GCLC: variants seen among roughly 807,000 people sequenced by gnomAD.
GCLC encodes glutamate--cysteine ligase catalytic subunit.
A neutral mutation model predicts 81.5 loss-of-function variants in GCLC; 30 were observed. The ratio of observed to expected loss-of-function variants is 0.37; its 90% CI spans 0.28 to 0.50. GCLC has a LOEUF of 0.50. GCLC is among the 20% of genes least tolerant of loss of function. The probability of loss-of-function intolerance (pLI) is 0.96; values close to 1 mark genes in which losing one functional copy is unlikely to be tolerated. For synonymous variants in GCLC, 262 were observed against 273.3 expected, an observed-to-expected ratio of 0.96 and a Z score of 0.41; for missense variants, 556 against 777.4, an observed-to-expected ratio of 0.72 and a Z score of 3.39.
chr6:53,540,380 G>C (rs531210385), intron 1 of GCLC, among the ~76,000 whole-genome samples: 1 of 150,554 alleles, frequency 6.6e-6, no homozygotes, highest in Non-Finnish European at 1.5e-5. Flanking sequence ...TGACCCTTGA[G>C]GACATTATGT....
chr6:53,535,624 G>T (rs9463945), intron 1 of GCLC, among the ~76,000 whole-genome samples: 1 of 152,092 alleles, frequency 6.6e-6, no homozygotes, highest in African/African-American at 2.4e-5. Context: ...TATAGAGAAC[G>T]CTCAAAACTC....
At chr6:53,505,950 T>C in intron 10 of GCLC, 55 bp from the exon 11 acceptor site, 1 of 943,862 alleles carries the variant, frequency 1.1e-6, no homozygotes, top group Non-Finnish European at 1.8e-6. Flanking sequence ...AGGAAAATAT[T>C]AAGATGATCT....
At chr6:53,540,878 C>T (rs1165539569) in intron 1 of GCLC, among the ~76,000 whole-genome samples, 1 of 152,098 alleles carries the variant, frequency 6.6e-6, no homozygotes. Context: ...CTCCCATCCT[C>T]ACCCCACAAA....
At position 53,544,653 on chromosome 6, in the gene GCLC, C is replaced by CCATCCT; in HGVS notation, c.-9_-8insAGGATG. The CCATCCT allele has an allele frequency of 6.4e-7, 1 of 1,550,856 alleles. No homozygotes were observed. Among genetic ancestry groups the CCATCCT allele is most frequent in the Admixed American group, 1.8e-5 (1 of 54,496 alleles). On this transcript the variant is annotated 5_prime_UTR_variant, in exon 1 of 16. The change creates a new upstream start codon in the 5' untranslated region. Transcript: ENST00000650454. ...CTGGGACAGCAGCCCCATGGCCGCC[C>CCATCCT]CCTCCTCCTCCTCCTCCTCCTCCGG...
intron 3 of GCLC, among the ~76,000 whole-genome samples, chr6:53,517,480 T>C (rs916919404): frequency 5.9e-5 from 9 of 152,034 alleles, no homozygotes; most frequent in African/African-American, 1.5e-4. Flanking sequence ...TTGTAAACAA[T>C]TGAAGGTAGT....
intron 1 of GCLC, 75 bp downstream of exon 1, chr6:53,544,421 G>A (rs1763410650): frequency 4.0e-6 from 6 of 1,491,520 alleles, no homozygotes; most frequent in Non-Finnish European, 5.5e-6. Context: ...AGGGCCGGGG[G>A]CGTAGGGCAA....
At chr6:53,512,046 T>C (rs921597639) in intron 6 of GCLC, among the ~76,000 whole-genome samples, 42 of 151,758 alleles carry the variant, frequency 2.8e-4, no homozygotes, top group African/African-American at 9.9e-4. Context: ...CCTCCCAGGT[T>C]CAAGCGTTTC....
At chr6:53,538,886 A>G (rs1763304584) in intron 1 of GCLC, among the ~76,000 whole-genome samples, 1 of 152,214 alleles carries the variant, frequency 6.6e-6, no homozygotes, top group Admixed American at 6.5e-5. Context: ...TCTACAACCT[A>G]TACAGTTTGA....
intron 1 of GCLC, among the ~76,000 whole-genome samples, chr6:53,536,817 A>G (rs1763265260): frequency 6.6e-6 from 1 of 152,242 alleles, no homozygotes; most frequent in Non-Finnish European, 1.5e-5. Context: ...TAGGGTCTTA[A>G]CATGGAGGAA....
At chr6:53,540,705 A>ACACACACACAC (rs58342057) in intron 1 of GCLC, among the ~76,000 whole-genome samples, 6 of 150,802 alleles carry the variant, frequency 4.0e-5, no homozygotes, top group African/African-American at 1.5e-4. Flanking sequence ...ACACACACAC[A>ACACACACACAC]AAAGTCCTGG....
Position 53,500,147 on chromosome 6 carries a change from G to C in GCLC, c.1600C>G (p.Leu534Val). ...AGGTAAGAGTTCAGAATTGGGATCA[G>C]TCCAGGAAACACACCTTCCTACAAG... ...INGKEGVFPG[L>V]IPILNSYLEN... The change falls in exon 15 of 16, where the codon CTG becomes GTG. Residue 534 changes from leucine to valine, a missense_variant. This residue lies in a region of GCLC where 313 missense variants were observed against 437.3 expected (regional missense o/e 0.72). Coordinates refer to ENST00000650454, the MANE Select transcript of GCLC (RefSeq NM_001498.4). The C allele has an allele frequency of 6.2e-7, 1 of 1,613,814 alleles. No individual in the cohort carries two copies. Among genetic ancestry groups the C allele is most frequent in the Non-Finnish European group, 8.5e-7 (1 of 1,179,674 alleles).
At chr6:53,534,125 CG>C (rs1357239252) in intron 1 of GCLC, among the ~76,000 whole-genome samples, 2 of 152,296 alleles carry the variant, frequency 1.3e-5, no homozygotes, top group Admixed American at 1.3e-4. Flanking sequence ...TCACACAACC[CG>C]GGGTGACCCC....
Position 53,544,835 on chromosome 6 carries a change from G to A in GCLC, c.-190C>T, listed in dbSNP as rs902375997. On this transcript the variant is annotated 5_prime_UTR_variant, in exon 1 of 16. Coordinates refer to ENST00000650454, the MANE Select transcript of GCLC (RefSeq NM_001498.4). ...CCCGGCGGCGGCCCCTGGCGCCCAG[G>A]TGACAGACCCTGGGTCCGACGCACC... The A allele has an allele frequency of 5.8e-5, 28 of 482,330 alleles. No individual in the cohort carries two copies. Among genetic ancestry groups the A allele is most frequent in the African/African-American group, 5.4e-4 (26 of 48,354 alleles). The allele number at this position is 482,330 out of a possible 1,614,324, so 29.9% of individuals were successfully genotyped here.
intron 6 of GCLC, 22 bp downstream of exon 6, chr6:53,514,182 C>G (rs989499982): frequency 6.2e-7 from 1 of 1,611,846 alleles, no homozygotes. Context: ...CACTTTGCCT[C>G]TCTGTATATT....
intron 12 of GCLC, among the ~76,000 whole-genome samples, chr6:53,502,095 G>T (rs56033411): frequency 1.3e-5 from 2 of 152,066 alleles, no homozygotes; most frequent in African/African-American, 4.8e-5. Context: ...TAGCGGGAAC[G>T]CATGCTGTAT....
At position 53,497,551 on chromosome 6, in the gene GCLC, T is replaced by G. The variant is rs1266271752; in HGVS notation, c.*1205A>C. 1 of 152,548 alleles carries G rather than the reference T, an allele frequency of 6.6e-6. No homozygotes were observed. 9.4% of individuals were successfully genotyped at this position (152,548 alleles called of 1,614,324 possible). A position where few individuals can be genotyped will look rare whatever the true frequency, so the allele number is the denominator to read the frequency against. ...CTGAAGCAGCTTTATTGCAATCTCT[T>G]CAAGTTAGCATATTACAGTTTAAAT... On this transcript the variant is annotated 3_prime_UTR_variant, in exon 16 of 16. Coordinates refer to ENST00000650454, the MANE Select transcript of GCLC (RefSeq NM_001498.4).
At chr6:53,521,403 C>T (rs1762993002) in intron 2 of GCLC, among the ~76,000 whole-genome samples, 1 of 152,070 alleles carries the variant, frequency 6.6e-6, no homozygotes, top group African/African-American at 2.4e-5. Context: ...GATCTGCCTG[C>T]CTCGGCCTCC....
chr6:53,506,721 G>C lies in GCLC; in HGVS notation c.1197+192C>G. The stretch of plus-strand genomic sequence containing the variant: ...TCGTAAAATAAGAGTACTTGAAACC[G>C]ATTTTTTATTTGTCCAAGTTCTTTA... On this transcript the variant is annotated intron_variant, in intron 10 of 15. Coordinates refer to ENST00000650454, the MANE Select transcript of GCLC (RefSeq NM_001498.4). The surrounding 1 kb of genome is among the most constrained non-coding windows in gnomAD (Gnocchi z 4.0). The C allele has an allele frequency of 1.8e-6, 1 of 571,114 alleles. No homozygotes were observed. The allele number at this position is 571,114 out of a possible 1,614,324, so 35.4% of individuals were successfully genotyped here. A position where few individuals can be genotyped will look rare whatever the true frequency, so the allele number is the denominator to read the frequency against.
chr6:53,501,555 A>G (rs1051008465), intron 12 of GCLC, among the ~76,000 whole-genome samples: 1 of 152,158 alleles, frequency 6.6e-6, no homozygotes, highest in Non-Finnish European at 1.5e-5. Flanking sequence ...CAATATATAC[A>G]ACAGTGACCA....
Sources: allele counts gnomAD v4.1 joint callset (sites outside exome capture counted in the v4.1 genomes callset), GRCh38; gene constraint gnomAD v4.1.1; regional missense constraint gnomAD v4.1.1; non-coding constraint Gnocchi (gnomAD v3.1); transcripts MANE v1.5; gene names NCBI Gene and HGNC (gene_info 2026-07-23, HGNC 2026-07-21).